Variants in FSTL5 observed in about 807,000 individuals in gnomAD.
FSTL5 encodes the protein follistatin-related protein 5.
Under a neutral mutation model 89.1 loss-of-function variants are expected in FSTL5, and 62 were observed. The observed-to-expected ratio is 0.70, with a 90% CI of 0.57 to 0.86. The LOEUF (loss-of-function observed/expected upper bound fraction) is 0.86. Among genes scored for constraint, FSTL5 ranks in the 40% least tolerant of loss-of-function variants. The probability of loss-of-function intolerance (pLI) is 0.00; values close to 1 mark genes in which losing one functional copy is unlikely to be tolerated. For synonymous variants in FSTL5, 383 were observed against 346.2 expected, an observed-to-expected ratio of 1.11 and a Z score of -1.18; for missense variants, 1,057 against 1,001.6, an observed-to-expected ratio of 1.06 and a Z score of -0.75.
intron 3 of FSTL5, among the ~76,000 whole-genome samples, chr4:161,939,840 G>A (rs765097499): frequency 6.6e-6 from 1 of 151,758 alleles, no homozygotes; most frequent in Non-Finnish European, 1.5e-5. Flanking sequence ...ATCTTACCAC[G>A]GAAACACCAA....
intron 7 of FSTL5, among the ~76,000 whole-genome samples, chr4:161,649,717 A>G (rs1021620019): frequency 1.3e-5 from 2 of 152,214 alleles, no homozygotes; most frequent in Non-Finnish European, 2.9e-5. Context: ...TAGTATGCCG[A>G]ACTAAATGAT....
chr4:161,567,017 A>G (rs1732839673), intron 8 of FSTL5, among the ~76,000 whole-genome samples: 1 of 152,108 alleles, frequency 6.6e-6, no homozygotes, highest in South Asian at 2.1e-4. Flanking sequence ...CAAATTTACT[A>G]TGTATTACAT....
chr4:161,702,706 A>C (rs562161530), intron 6 of FSTL5, among the ~76,000 whole-genome samples: 1 of 152,206 alleles, frequency 6.6e-6, no homozygotes, highest in South Asian at 2.1e-4. Context: ...TGTCCCCCAG[A>C]TGCACTTTAG....
chr4:161,762,217 G>C (rs1740833654), intron 5 of FSTL5, among the ~76,000 whole-genome samples: 2 of 152,128 alleles, frequency 1.3e-5, no homozygotes, highest in South Asian at 2.1e-4. Context: ...GCCCAGGCTA[G>C]AGTGCAGTGG....
chr4:161,586,332 T>C (rs747502738), intron 8 of FSTL5, among the ~76,000 whole-genome samples: 39 of 152,152 alleles, frequency 2.6e-4, no homozygotes, highest in South Asian at 1.0e-3. Flanking sequence ...GATAATATAA[T>C]TATATTTAAG....
intron 12 of FSTL5, among the ~76,000 whole-genome samples, chr4:161,488,339 A>T (rs1221938029): frequency 6.6e-6 from 1 of 152,118 alleles, no homozygotes; most frequent in Non-Finnish European, 1.5e-5. Context: ...ACACACTGTT[A>T]GGTAGCATGG....
chr4:161,914,390 T>A (rs1303990401), intron 4 of FSTL5, among the ~76,000 whole-genome samples: 1 of 152,086 alleles, frequency 6.6e-6, no homozygotes, highest in African/African-American at 2.4e-5. Flanking sequence ...CAGGGGAAAA[T>A]TTGACAGAAA....
intron 7 of FSTL5, among the ~76,000 whole-genome samples, chr4:161,597,049 T>C (rs1734039890): frequency 6.6e-6 from 1 of 152,168 alleles, no homozygotes; most frequent in Non-Finnish European, 1.5e-5. Context: ...ATCCCATTTG[T>C]CAATTTTGGC....
intron 7 of FSTL5, among the ~76,000 whole-genome samples, chr4:161,623,015 C>T (rs1735196505): frequency 6.6e-6 from 1 of 151,912 alleles, no homozygotes; most frequent in African/African-American, 2.4e-5. Context: ...CAGTGAAAGA[C>T]AATAAAAGTC....
At chr4:162,032,808 A>G (rs939380356) in intron 3 of FSTL5, 10 of 152,160 alleles carry the variant, frequency 6.6e-5, no homozygotes, top group Admixed American at 6.5e-4. Flanking sequence ...AACACTGAAA[A>G]AGGTAAAAAC....
At chr4:161,442,692 A>T (rs916189556) in intron 15 of FSTL5, among the ~76,000 whole-genome samples, 27 of 152,218 alleles carry the variant, frequency 1.8e-4, no homozygotes, top group African/African-American at 6.3e-4. Context: ...TAGGAAAAAT[A>T]CTATGACGAC....
chr4:161,801,472 T>A (rs1391029015), intron 4 of FSTL5, among the ~76,000 whole-genome samples: 1 of 151,440 alleles, frequency 6.6e-6, no homozygotes, highest in Non-Finnish European at 1.5e-5. Flanking sequence ...TGAGAAAGAA[T>A]CATCTTGGCA....
At chr4:161,642,857 A>T (rs1736013018) in intron 7 of FSTL5, among the ~76,000 whole-genome samples, 1 of 152,170 alleles carries the variant, frequency 6.6e-6, no homozygotes, top group Admixed American at 6.5e-5. Context: ...AGATGGAAAG[A>T]ATTACGGAGA....
In FSTL5 at chr4:162,090,506, C is replaced by A. The variant is rs113107722; in HGVS notation, c.126+20765G>T. Reference sequence around the variant, plus strand: ...GAAATAAAAGCTCAAAATCACTAAGCATTAGAGGAATGCCCATCAAAACCA... The same window carrying A: ...GAAATAAAAGCTCAAAATCACTAAGAATTAGAGGAATGCCCATCAAAACCA... On this transcript the variant is annotated intron_variant, in intron 2 of 15. Coordinates refer to ENST00000306100, the MANE Select transcript of FSTL5 (RefSeq NM_020116.5). Among the ~76,000 whole-genome samples the A allele has an allele frequency of 2.2e-3, 342 of 152,176 alleles. 2 individuals carry two copies. Among genetic ancestry groups the A allele is most frequent in the African/African-American group, 7.9e-3 (327 of 41,538 alleles).
intron 4 of FSTL5, among the ~76,000 whole-genome samples, chr4:161,819,948 GT>G (rs983978568): frequency 4.6e-5 from 7 of 151,192 alleles, no homozygotes; most frequent in Non-Finnish European, 7.4e-5. Flanking sequence ...AAAAAATTAA[GT>G]TTTTTTTAAC....
At chr4:161,685,604 T>C (rs1286736668) in intron 6 of FSTL5, among the ~76,000 whole-genome samples, 2 of 152,234 alleles carry the variant, frequency 1.3e-5, no homozygotes, top group South Asian at 4.1e-4. Flanking sequence ...TTAGCTTACA[T>C]TAATTTTGTA....
At chr4:161,950,254 T>C (rs114729613) in intron 3 of FSTL5, among the ~76,000 whole-genome samples, 1,587 of 152,268 alleles carry the variant, frequency 0.01, 35 homozygotes, top group African/African-American at 0.036. Flanking sequence ...CAACATTCTT[T>C]AGAATGTTTT....
intron 15 of FSTL5, among the ~76,000 whole-genome samples, chr4:161,423,670 C>T (rs542669601): frequency 7.2e-5 from 11 of 152,046 alleles, no homozygotes; most frequent in African/African-American, 2.7e-4. Flanking sequence ...AAATAAAGCA[C>T]TGTGCATTTC....
chr4:162,106,589 T>C (rs746917067), intron 2 of FSTL5, among the ~76,000 whole-genome samples: 1 of 151,894 alleles, frequency 6.6e-6, no homozygotes, highest in East Asian at 1.9e-4. Context: ...ACCAAGCAAG[T>C]AGTGAGAAGA....
Sources: gnomAD v4.1 joint callset for allele counts (sites outside exome capture counted in the v4.1 genomes callset) on GRCh38, gnomAD v4.1.1 for gene constraint, MANE v1.5 for transcripts, NCBI Gene and HGNC (gene_info 2026-07-23, HGNC 2026-07-21) for gene names.